Variants in SCAF11 observed in about 807,000 individuals in gnomAD.
SCAF11 encodes protein SCAF11.
A neutral mutation model predicts 140.5 loss-of-function variants in SCAF11; 47 were observed. That is an observed-to-expected ratio of 0.33 (90% CI 0.26 to 0.43). The LOEUF (loss-of-function observed/expected upper bound fraction) is 0.43. Among genes scored for constraint, SCAF11 ranks in the 20% least tolerant of loss-of-function variants. SCAF11 has a pLI of 1.00. For missense variants in SCAF11, 1,645 were observed against 1,705.1 expected (o/e 0.96, Z 0.62); for synonymous variants, 557 against 579.4 (o/e 0.96, Z 0.55).
chr12:45,956,088 C>G, intron 3 of SCAF11: 1 of 714,320 alleles, frequency 1.4e-6, no homozygotes, highest in Non-Finnish European at 2.6e-6. Flanking sequence ...AATGTAAGAA[C>G]AAGAAACCTT....
chr12:45,939,784 C>G (rs1487386497), intron 6 of SCAF11, among the ~76,000 whole-genome samples: 1 of 152,188 alleles, frequency 6.6e-6, no homozygotes, highest in Non-Finnish European at 1.5e-5. Flanking sequence ...TCTAACCAAT[C>G]AATCCTAGAT....
At chr12:45,984,993 C>G (rs1946429110) in intron 1 of SCAF11, among the ~76,000 whole-genome samples, 1 of 152,214 alleles carries the variant, frequency 6.6e-6, no homozygotes, top group African/African-American at 2.4e-5. Flanking sequence ...CCACACCCAG[C>G]CACTTCCTTA....
intron 6 of SCAF11, among the ~76,000 whole-genome samples, chr12:45,936,042 G>C (rs1945165652): frequency 6.6e-6 from 1 of 151,896 alleles, no homozygotes; most frequent in African/African-American, 2.4e-5. Context: ...ACCCACTCTT[G>C]ATTTCTGCTT....
Position 45,927,459 on chromosome 12 carries a change from A to G in SCAF11, c.2242T>C (p.Ser748Pro), listed in dbSNP as rs746052420. Reference sequence around the variant, plus strand: ...TTATTTTCAGAACAGTGTGTCACAGAATTTTCATTCATTTGTTTAAGATCA... The same window carrying G: ...TTATTTTCAGAACAGTGTGTCACAGGATTTTCATTCATTTGTTTAAGATCA... ...NADLKQMNEN[S>P]VTHCSENNMP... is the part of the protein sequence containing the mutation. The change falls in exon 11 of 15, where the codon TCT becomes CCT. Residue 748 changes from serine (S) to proline (P), a missense_variant. Transcript: ENST00000369367. 6.2e-7 allele frequency: 1 copy of G among 1,613,502 alleles called. No individual in the cohort carries two copies. Among genetic ancestry groups the G allele is most frequent in the East Asian group, 2.2e-5 (1 of 44,870 alleles).
At chr12:45,942,496 T>G (rs1364808275) in intron 6 of SCAF11, among the ~76,000 whole-genome samples, 1 of 152,238 alleles carries the variant, frequency 6.6e-6, no homozygotes, top group Non-Finnish European at 1.5e-5. Context: ...AAACACTCCC[T>G]AGCTCACATT....
intron 3 of SCAF11, chr12:45,956,136 C>A (rs1945686810): frequency 1.4e-6 from 1 of 716,588 alleles, no homozygotes; most frequent in Non-Finnish European, 2.6e-6. Flanking sequence ...TTTCTAATTT[C>A]TCGCTTCCTC....
Position 45,921,981 on chromosome 12 carries a change from T to C in SCAF11, c.*67A>G. 6.6e-7 allele frequency: 1 copy of C among 1,509,856 alleles called. No individual in the cohort carries two copies. The highest frequency in any genetic ancestry group is 2.3e-5 in the East Asian group (1 of 43,988). The allele number at this position is 1,509,856 out of a possible 1,614,324, so 93.5% of individuals were successfully genotyped here. Reference sequence around the variant, plus strand: ...AATCACAGTTATGTATGATTTTCAGTTAATGGTACATGTTGAAATTGCACT... The same window carrying C: ...AATCACAGTTATGTATGATTTTCAGCTAATGGTACATGTTGAAATTGCACT... On this transcript the variant is annotated 3_prime_UTR_variant, in exon 15 of 15. Transcript: ENST00000369367.
intron 8 of SCAF11, among the ~76,000 whole-genome samples, 192 bp from the exon 9 acceptor site, chr12:45,933,424 G>C (rs1945100799): frequency 6.6e-6 from 1 of 151,424 alleles, no homozygotes; most frequent in African/African-American, 2.4e-5. Flanking sequence ...TTTTTATATT[G>C]CAAATCAGAG....
In SCAF11 at chr12:45,990,365, T is replaced by A; in HGVS notation, c.-34A>T. The stretch of plus-strand genomic sequence containing the variant: ...GACCAGTGTTTACCTCAGACCGAGG[T>A]CGAGGCGCTCGGTCCGGCCGCGGCC... On this transcript the variant is annotated 5_prime_UTR_variant, in exon 1 of 15. Transcript: ENST00000369367. 8.1e-7 allele frequency: 1 copy of A among 1,231,914 alleles called. No individual in the cohort carries two copies. Among genetic ancestry groups the A allele is most frequent in the Non-Finnish European group, 1.0e-6 (1 of 988,212 alleles). The allele number at this position is 1,231,914 out of a possible 1,614,324, so 76.3% of individuals were successfully genotyped here.
Position 45,961,837 on chromosome 12 carries a change from T to C in SCAF11, c.82A>G (p.Thr28Ala). 6.2e-7 allele frequency: 1 copy of C among 1,603,458 alleles called. No individual in the cohort carries two copies. Reference sequence around the variant, plus strand: ...CTGTACAACAGACCAGTGGAAATAGTATTATCTCCGTTTTCTTCACCTGTT... The same window carrying C: ...CTGTACAACAGACCAGTGGAAATAGCATTATCTCCGTTTTCTTCACCTGTT... ...DMEGEENGDN[T>A]ISTGLLYSEA... The change falls in exon 3 of 15, where the codon ACT becomes GCT. Residue 28 changes from threonine to alanine, a missense_variant. Thr to Ala is a moderately conservative substitution (Grantham distance 58). Transcript: ENST00000369367.
chr12:45,927,691 A>T lies in SCAF11; in HGVS notation c.2010T>A (p.Asn670Lys). 1 of 1,611,962 alleles carries T rather than the reference A, an allele frequency of 6.2e-7. No individual in the cohort carries two copies. The highest frequency in any genetic ancestry group is 8.5e-7 in the Non-Finnish European group (1 of 1,179,564). The stretch of plus-strand genomic sequence containing the variant: ...TTTCCAATTTGGTGTTCAGAAGATT[A>T]TTTTTTAGTAAGTTATTTTCAGAGT... ...IQDSENNLLK[N>K]NLLNTKLEKS... Residue 670 changes from asparagine (N) to lysine (K), a missense_variant, in exon 11 of 15, where the codon AAT (asparagine) becomes AAA (lysine). By Grantham distance (94) the Asn-to-Lys change is moderately conservative. Around this residue, in one of 2 missense-constraint regions of SCAF11, gnomAD observed 1,582 missense variants for 1,609.2 expected, o/e 0.98. Transcript: ENST00000369367.
intron 3 of SCAF11, 40 bp from the exon 4 acceptor site, chr12:45,951,767 C>A: frequency 4.0e-6 from 5 of 1,257,980 alleles, no homozygotes; most frequent in Non-Finnish European, 5.6e-6. Context: ...ACAAATGTTT[C>A]TTTAGATCAA....
At chr12:45,924,682 GT>G in intron 12 of SCAF11, 45 bp downstream of exon 12, 1 of 1,445,606 alleles carries the variant, frequency 6.9e-7, no homozygotes, top group African/African-American at 1.4e-5. Context: ...ACAGCTAAAT[GT>G]TTACAATGGC....
Position 45,944,534 on chromosome 12 carries a change from G to A in SCAF11, c.463+715C>T, listed in dbSNP as rs147603901. 6.4e-3 allele frequency among the ~76,000 whole-genome samples: 979 copies of A among 152,248 alleles called. 8 individuals are homozygous for A. Among genetic ancestry groups the A allele is most frequent in the Non-Finnish European group, 0.011 (752 of 68,004 alleles). ...TAATTTACTAGTTCTAGCTGTAAGT[G>A]GAAATTCACTGTGACTTAGTCTGGA... On this transcript the variant is annotated intron_variant, in intron 6 of 14. Coordinates refer to ENST00000369367, the MANE Select transcript of SCAF11 (RefSeq NM_004719.3).
At chr12:45,948,391 T>C (rs760071338) in intron 5 of SCAF11, 46 bp downstream of exon 5, 1 of 1,272,454 alleles carries the variant, frequency 7.9e-7, no homozygotes, top group Non-Finnish European at 1.1e-6. Flanking sequence ...ACTAGTTAAC[T>C]TCTGTTCCAC....
At chr12:45,929,098 G>GAA (rs60140747) in intron 10 of SCAF11, 63 of 198,080 alleles carry the variant, frequency 3.2e-4, no homozygotes, top group African/African-American at 7.9e-4. Flanking sequence ...ATTTTATAGA[G>GAA]AAAAAAAAAA....
At chr12:45,979,682 T>G (rs1270904258) in intron 1 of SCAF11, among the ~76,000 whole-genome samples, 1 of 152,174 alleles carries the variant, frequency 6.6e-6, no homozygotes, top group Non-Finnish European at 1.5e-5. Flanking sequence ...TAGCTATGCC[T>G]ATTATCTGAA....
chr12:45,920,335 T>C lies in SCAF11; in HGVS notation c.*1713A>G, dbSNP rs1488735808. 1.3e-5 allele frequency: 2 copies of C among 152,346 alleles called. No homozygotes were observed. The highest frequency in any genetic ancestry group is 1.9e-4 in the East Asian group (1 of 5,194). The allele number at this position is 152,346 out of a possible 1,614,324, so 9.4% of individuals were successfully genotyped here. On this transcript the variant is annotated 3_prime_UTR_variant, in exon 15 of 15. Coordinates refer to ENST00000369367, the MANE Select transcript of SCAF11 (RefSeq NM_004719.3). ...ATTGAGAAACAGATAATCTTTACTT[T>C]AGAAAAGCACAGTTCTACAGAGTAT...
chr12:45,990,602 T>TCCCTC (rs1206411597), upstream of SCAF11: 43 of 1,220,740 alleles, frequency 3.5e-5, no homozygotes, highest in South Asian at 4.3e-4. Flanking sequence ...TCTAGCCTCC[T>TCCCTC]CCCTCCCCTC....
Sources: gnomAD v4.1 joint callset for allele counts (sites outside exome capture counted in the v4.1 genomes callset) on GRCh38, gnomAD v4.1.1 for gene constraint, gnomAD v4.1.1 regional missense constraint, MANE v1.5 for transcripts, NCBI Gene and HGNC (gene_info 2026-07-23, HGNC 2026-07-21) for gene names.